IRAK1: variants seen among roughly 807,000 people sequenced by gnomAD.
IRAK1 encodes interleukin 1 receptor associated kinase 1, also known as interleukin-1 receptor-associated kinase 1.
Under a neutral mutation model 49.8 loss-of-function variants are expected in IRAK1, and 9 were observed. The observed-to-expected ratio is 0.18, with a 90% CI of 0.11 to 0.32. The LOEUF (loss-of-function observed/expected upper bound fraction) is 0.32, where lower values mean the gene tolerates loss of function less well. IRAK1 is among the 10% of genes least tolerant of loss of function. The probability of loss-of-function intolerance (pLI) is 1.00; values close to 1 mark genes in which losing one functional copy is unlikely to be tolerated. For synonymous variants in IRAK1, 282 were observed against 270.8 expected (o/e 1.04, Z -0.41); for missense variants, 418 against 600.5 (o/e 0.70, Z 3.18).
intron 11 of IRAK1, 124 bp downstream of exon 11, chrX:154,013,918 C>T: frequency 1.0e-6 from 1 of 967,036 alleles, no homozygotes; most frequent in South Asian, 2.3e-5. Flanking sequence ...AACCAAAGGG[C>T]AAGCAAGAAA....
At position 154,016,100 on chromosome X, in the gene IRAK1, GGAGA is replaced by G; in HGVS notation, c.1237-7_1237-4del. 2 of 1,201,493 alleles carry G rather than the reference GGAGA, an allele frequency of 1.7e-6. No homozygotes were observed. Among genetic ancestry groups the G allele is most frequent in the Middle Eastern group, 4.6e-4 (2 of 4,317 alleles). On this transcript the variant is annotated splice_region_variant and splice_polypyrimidine_tract_variant and intron_variant, in intron 9 of 13. Coordinates refer to ENST00000369980, the MANE Select transcript of IRAK1 (RefSeq NM_001569.4). The stretch of plus-strand genomic sequence containing the variant: ...CCAGCCAAGGTCTCTAGCACTACCT[GGAGA>G]GAGGGAAGAGGGAGAGCATGGCAGT...
Position 154,019,107 on chromosome X carries a change from C to T in IRAK1, c.437-29G>A, listed in dbSNP as rs781834315. On this transcript the variant is annotated intron_variant, in intron 3 of 13. Coordinates refer to ENST00000369980, the MANE Select transcript of IRAK1 (RefSeq NM_001569.4). ...CATAAAGACACCAGTGAGAGGCAGG[C>T]AGAGACCAGCAGCAGGGTCTACAGC... The T allele has an allele frequency of 8.3e-6, 10 of 1,197,619 alleles. No individual in the cohort carries two copies. In the Admixed American group the frequency reaches 2.2e-4, roughly 26 times the overall value.
At chrX:154,013,834 G>A (rs1336119518) in intron 11 of IRAK1, among the ~76,000 whole-genome samples, 2 of 112,420 alleles carry the variant, frequency 1.8e-5, no homozygotes, top group African/African-American at 6.5e-5. Flanking sequence ...TCTATGTGAA[G>A]GGGGTCGGAG....
At chrX:154,012,798 C>T in intron 12 of IRAK1, 120 bp from the exon 13 acceptor site, 1 of 861,598 alleles carries the variant, frequency 1.2e-6, no homozygotes, top group Non-Finnish European at 1.6e-6. Flanking sequence ...CAGGGCCCAG[C>T]TCTCAGGCTA....
chrX:154,019,106 G>C (rs1164013474), intron 3 of IRAK1, 28 bp from the exon 4 acceptor site: 1 of 1,196,408 alleles, frequency 8.4e-7, no homozygotes. Flanking sequence ...TGAGAGGCAG[G>C]CAGAGACCAG....
In IRAK1 at chrX:154,011,398, C is replaced by T. The variant is rs1000252339; in HGVS notation, c.*461G>A. 4.0e-6 allele frequency: 1 copy of T among 247,382 alleles called. No homozygotes were observed. Among genetic ancestry groups the T allele is most frequent in the Admixed American group, 5.3e-5 (1 of 18,822 alleles). The allele number at this position is 247,382 out of a possible 1,213,427, so 20.4% of individuals were successfully genotyped here. On this transcript the variant is annotated 3_prime_UTR_variant, in exon 14 of 14. Coordinates refer to ENST00000369980, the MANE Select transcript of IRAK1 (RefSeq NM_001569.4). ...AGCCACCGCACCCGGCCACACTTTT[C>T]CAAATTGTAAGCAGGTAGGAGGGCC...
intron 10 of IRAK1, among the ~76,000 whole-genome samples, chrX:154,015,150 C>T (rs2065729797): frequency 8.9e-6 from 1 of 112,151 alleles, no homozygotes; most frequent in African/African-American, 3.2e-5. Context: ...CGCCCCGAGT[C>T]CCAGGGACCT....
intron 10 of IRAK1, chrX:154,014,511 GGTCT>G (rs1557128621): frequency 1.0e-5 from 4 of 384,323 alleles, no homozygotes; most frequent in Middle Eastern, 7.0e-4. Context: ...CACAGCTCTT[GGTCT>G]TTCTACAACT....
rs1196591386 is a variant in IRAK1 at position 154,018,802 on chromosome X, C to T, written c.541-15G>A. ...TCTGGGCCTGGCTGTGGGAAGAGAG[C>T]CTGGATCAGGTGGGGTCCCTGTCTC... is the stretch of plus-strand genomic sequence containing the variant. On this transcript the variant is annotated splice_polypyrimidine_tract_variant and intron_variant, in intron 4 of 13. Transcript: ENST00000369980. 1.5e-5 allele frequency: 12 copies of T among 785,335 alleles called. No homozygotes were observed. The highest frequency in any genetic ancestry group is 2.1e-5 in the Non-Finnish European group (11 of 515,573). The allele number at this position is 785,335 out of a possible 1,213,427, so 64.7% of individuals were successfully genotyped here.
At position 154,011,253 on chromosome X, in the gene IRAK1, AG is replaced by A. The variant is rs1330809485; in HGVS notation, c.*605del. 2 of 260,002 alleles carry A rather than the reference AG, an allele frequency of 7.7e-6. No individual in the cohort carries two copies. The highest frequency in any genetic ancestry group is 2.9e-5 in the African/African-American group (1 of 35,085). The allele number at this position is 260,002 out of a possible 1,213,427, so 21.4% of individuals were successfully genotyped here. ...GCGTGCGCTACCACGCCAGGCTAAT[AG>A]TTTAAAAAATTTTTTGGCAGAGACA... is the stretch of plus-strand genomic sequence containing the variant. On this transcript the variant is annotated 3_prime_UTR_variant, in exon 14 of 14. Transcript: ENST00000369980.
Position 154,018,327 on chromosome X carries a change from TTCACTGCAG to T in IRAK1, c.749_757del (p.Thr250_Val252del). ...CTCCACCTCGGTCAGGAAGCTCTGC[TTCACTGCAG>T]TCCACTCCAGGTCAGCGTTCTGCAG... On this transcript the variant is annotated inframe_deletion, in exon 6 of 14. Transcript: ENST00000369980. 8.6e-7 allele frequency: 1 copy of T among 1,167,245 alleles called. No homozygotes were observed. Among genetic ancestry groups the T allele is most frequent in the Non-Finnish European group, 1.1e-6 (1 of 871,925 alleles).
chrX:154,016,680 T>C (rs2065741003), intron 8 of IRAK1, 36 bp from the exon 9 acceptor site: 8 of 1,102,440 alleles, frequency 7.3e-6, no homozygotes, highest in Non-Finnish European at 8.8e-6. Flanking sequence ...AGCCCGGTCC[T>C]AGCTCCTACA....
rs1470670101 is a variant in IRAK1 at position 154,019,424 on chromosome X, C to T, written c.304+7G>A. 4 of 1,110,164 alleles carry T rather than the reference C, an allele frequency of 3.6e-6. No homozygotes were observed. 91.5% of individuals were successfully genotyped at this position (1,110,164 alleles called of 1,213,427 possible). ...CAGCCGTGGGGTGCCCGGAGTCCCG[C>T]GCTCACAGGCTGTGATGATGTCCCG... On this transcript the variant is annotated splice_region_variant and intron_variant, in intron 2 of 13. Coordinates refer to ENST00000369980, the MANE Select transcript of IRAK1 (RefSeq NM_001569.4).
At position 154,018,039 on chromosome X, in the gene IRAK1, G is replaced by A; in HGVS notation, c.876C>T (p.Pro292=). ...GFYCLVYGFL[P]NGSLEDRLHC... is the part of the protein sequence containing the mutation. ...GGAGACGGTCCTCCAGGGAGCCGTT[G>A]GGCAGGAAGCCGTACACCAGGCAGT... The change falls in exon 7 of 14, where the codon CCC becomes CCT. Residue 292 remains proline, a synonymous_variant. Transcript: ENST00000369980. 8.3e-7 allele frequency: 1 copy of A among 1,209,800 alleles called. No homozygotes were observed. Among genetic ancestry groups the A allele is most frequent in the Non-Finnish European group, 1.1e-6 (1 of 893,512 alleles).
intron 11 of IRAK1, 90 bp downstream of exon 11, chrX:154,013,952 T>C: frequency 9.5e-7 from 1 of 1,055,025 alleles, no homozygotes; most frequent in Non-Finnish European, 1.3e-6. Context: ...CAGAGAGACC[T>C]AGCAGGTGCT....
At chrX:154,016,718 C>A in intron 8 of IRAK1, 74 bp from the exon 9 acceptor site, 1 of 922,494 alleles carries the variant, frequency 1.1e-6, no homozygotes, top group Non-Finnish European at 1.5e-6. Context: ...AGGCTGGACT[C>A]GAGGCTGCCA....
intron 10 of IRAK1, 121 bp downstream of exon 10, chrX:154,015,911 G>C: frequency 1.7e-6 from 1 of 593,486 alleles, no homozygotes; most frequent in Non-Finnish European, 2.9e-6. Flanking sequence ...TCAAAAATGA[G>C]GCCACTGTGG....
At chrX:154,018,529 G>A (rs1213635998) in intron 5 of IRAK1, 70 bp downstream of exon 5, 5 of 970,601 alleles carry the variant, frequency 5.2e-6, no homozygotes, top group Non-Finnish European at 7.3e-6. Context: ...GAAGCGAGGG[G>A]GAAAGGCTGG....
In IRAK1 at chrX:154,010,962, A is replaced by G. The variant is rs1367785092; in HGVS notation, c.*897T>C. The G allele has an allele frequency of 5.8e-6, 2 of 342,824 alleles. No individual in the cohort carries two copies. Among genetic ancestry groups the G allele is most frequent in the Non-Finnish European group, 1.2e-5 (2 of 170,281 alleles). 28.3% of individuals were successfully genotyped at this position (342,824 alleles called of 1,213,427 possible). ...ACATTAGGCCAGCTCGCAGGTCCCC[A>G]GTAAAGCCTGAAGACACTGGCCCGA... On this transcript the variant is annotated 3_prime_UTR_variant, in exon 14 of 14. Transcript: ENST00000369980.
Sources: allele counts gnomAD v4.1 joint callset (sites outside exome capture counted in the v4.1 genomes callset), GRCh38; gene constraint gnomAD v4.1.1; transcripts MANE v1.5; gene names NCBI Gene and HGNC (gene_info 2026-07-23, HGNC 2026-07-21).